The following PRDM5 variants were observed in gnomAD, a reference collection of about 807,000 sequenced individuals.
PRDM5 encodes the protein PR domain zinc finger protein 5.
A neutral mutation model predicts 81.2 loss-of-function variants in PRDM5; 56 were observed. The ratio of observed to expected loss-of-function variants is 0.69; its 90% confidence interval spans 0.56 to 0.86. The LOEUF is 0.86. PRDM5 is among the 40% of genes least tolerant of loss of function. The probability of loss-of-function intolerance (pLI) is 0.00; values close to 1 mark genes in which losing one functional copy is unlikely to be tolerated. For synonymous variants in PRDM5, 267 were observed against 256.4 expected (o/e 1.04, Z -0.39); for missense variants, 697 against 770.1 (o/e 0.91, Z 1.12).
At chr4:120,860,112 G>T (rs1366816116) in intron 2 of PRDM5, among the ~76,000 whole-genome samples, 2 of 152,162 alleles carry the variant, frequency 1.3e-5, no homozygotes, top group Non-Finnish European at 2.9e-5. Flanking sequence ...TACTGTCAAA[G>T]ACACAAAGAC....
chr4:120,910,323 G>A (rs1766366272), intron 1 of PRDM5, among the ~76,000 whole-genome samples: 2 of 152,150 alleles, frequency 1.3e-5, no homozygotes, highest in African/African-American at 4.8e-5. Flanking sequence ...TACTACTGTG[G>A]TGAGAAACAA....
chr4:120,727,838 A>G (rs1254436148), intron 14 of PRDM5, among the ~76,000 whole-genome samples: 1 of 151,756 alleles, frequency 6.6e-6, no homozygotes, highest in Non-Finnish European at 1.5e-5. Context: ...TAGGAGGCTG[A>G]GGCAGGGGAA....
At chr4:120,777,333 A>C (rs1748326154) in intron 12 of PRDM5, 52 bp from the exon 13 acceptor site, 1 of 1,611,546 alleles carries the variant, frequency 6.2e-7, no homozygotes, top group Non-Finnish European at 8.5e-7. Context: ...AATTAGGTAA[A>C]GATGATTAAA....
At chr4:120,772,628 C>G (rs993962517) in intron 13 of PRDM5, among the ~76,000 whole-genome samples, 27 of 152,314 alleles carry the variant, frequency 1.8e-4, no homozygotes, top group African/African-American at 5.5e-4. Context: ...CCCAGTTAAA[C>G]AGAATGGCCT....
rs148660139 is a variant in PRDM5 at position 120,900,304 on chromosome 4, C to A, written c.177+7170G>T. Among the ~76,000 whole-genome samples the A allele has an allele frequency of 5.0e-3, 768 of 152,184 alleles. 6 individuals are homozygous for A. The highest frequency in any genetic ancestry group is 0.018 in the African/African-American group (739 of 41,516). On this transcript the variant is annotated intron_variant, in intron 2 of 15. Coordinates refer to ENST00000264808, the MANE Select transcript of PRDM5 (RefSeq NM_018699.4). ...TGGTTGCTTCCCCTGGCAAACAGTC[C>A]CATCCTGGAGGCTATCTAGGGGACT...
chr4:120,809,152 C>A (rs983180514), intron 8 of PRDM5, among the ~76,000 whole-genome samples: 1 of 151,814 alleles, frequency 6.6e-6, no homozygotes, highest in African/African-American at 2.4e-5. Flanking sequence ...GACAAAAAGC[C>A]AAACACTGCA....
chr4:120,748,948 A>G (rs1743565819), intron 14 of PRDM5, among the ~76,000 whole-genome samples: 1 of 152,148 alleles, frequency 6.6e-6, no homozygotes, highest in Non-Finnish European at 1.5e-5. Flanking sequence ...CTAACTGGAC[A>G]TGGAATATAA....
chr4:120,843,831 C>CA (rs1758332898), intron 3 of PRDM5, among the ~76,000 whole-genome samples: 1 of 152,142 alleles, frequency 6.6e-6, no homozygotes, highest in Admixed American at 6.5e-5. Flanking sequence ...CACCAAGCCA[C>CA]TATATCTAAT....
At chr4:120,890,315 T>C (rs1391310962) in intron 2 of PRDM5, among the ~76,000 whole-genome samples, 1 of 152,168 alleles carries the variant, frequency 6.6e-6, no homozygotes. Context: ...GAGAACTCAC[T>C]ATCATAAGAA....
chr4:120,729,251 A>G (rs1195328201), intron 14 of PRDM5, among the ~76,000 whole-genome samples: 1 of 152,242 alleles, frequency 6.6e-6, no homozygotes, highest in African/African-American at 2.4e-5. Context: ...ATCAAAGAAT[A>G]ACAGCTTTTT....
intron 14 of PRDM5, among the ~76,000 whole-genome samples, chr4:120,749,783 C>T (rs1454833587): frequency 5.3e-5 from 8 of 152,190 alleles, no homozygotes; most frequent in African/African-American, 9.7e-5. Context: ...ACGTATCCTG[C>T]ACTGACACCA....
At chr4:120,835,388 G>A (rs540338063) in intron 3 of PRDM5, among the ~76,000 whole-genome samples, 1 of 152,178 alleles carries the variant, frequency 6.6e-6, no homozygotes, top group African/African-American at 2.4e-5. Context: ...CTATGCCTGT[G>A]TGCATGCATG....
At chr4:120,800,614 A>G (rs1461717742) in intron 8 of PRDM5, among the ~76,000 whole-genome samples, 3 of 152,202 alleles carry the variant, frequency 2.0e-5, no homozygotes, top group Non-Finnish European at 4.4e-5. Flanking sequence ...TGCAGGATGA[A>G]TAACTCTAAA....
intron 10 of PRDM5, among the ~76,000 whole-genome samples, chr4:120,789,359 A>G (rs1371606432): frequency 3.9e-5 from 6 of 152,180 alleles, no homozygotes; most frequent in Admixed American, 2.0e-4. Context: ...ATTCCATGAG[A>G]ATAAAATGAA....
At chr4:120,771,437 C>G (rs777535571) in intron 13 of PRDM5, among the ~76,000 whole-genome samples, 17 of 151,996 alleles carry the variant, frequency 1.1e-4, no homozygotes, top group Non-Finnish European at 2.1e-4. Context: ...ATTTTTTCAA[C>G]TGAGTTATCA....
Position 120,871,180 on chromosome 4 carries a change from G to A in PRDM5, c.178-17640C>T, listed in dbSNP as rs577519648. Reference sequence around the variant, plus strand: ...TTGATTAGAAACACACTTCTCTCTAGTTCCACATAATGTTTTGTTGTTGTT... The same window carrying A: ...TTGATTAGAAACACACTTCTCTCTAATTCCACATAATGTTTTGTTGTTGTT... On this transcript the variant is annotated intron_variant, in intron 2 of 15. Coordinates refer to ENST00000264808, the MANE Select transcript of PRDM5 (RefSeq NM_018699.4). Among the ~76,000 whole-genome samples, 15 of 152,280 alleles carry A rather than the reference G, an allele frequency of 9.9e-5. No individual in the cohort carries two copies. In the East Asian group the frequency reaches 2.7e-3, roughly 27 times the overall value.
intron 14 of PRDM5, among the ~76,000 whole-genome samples, chr4:120,743,270 C>G (rs1476951892): frequency 2.6e-5 from 4 of 151,594 alleles, no homozygotes; most frequent in African/African-American, 7.3e-5. Context: ...AAAAGAGCTC[C>G]TGAAGGAAGC....
At chr4:120,900,243 CA>C (rs1309374875) in intron 2 of PRDM5, among the ~76,000 whole-genome samples, 1 of 152,112 alleles carries the variant, frequency 6.6e-6, no homozygotes, top group Admixed American at 6.5e-5. Context: ...GAGGGGGACA[CA>C]GGGGGCTGAA....
At chr4:120,891,715 C>T (rs1186153903) in intron 2 of PRDM5, among the ~76,000 whole-genome samples, 2 of 152,112 alleles carry the variant, frequency 1.3e-5, no homozygotes, top group African/African-American at 4.8e-5. Context: ...CCGCAACCTC[C>T]GCCTTCTGGG....
Sources: gnomAD v4.1 joint callset for allele counts (sites outside exome capture counted in the v4.1 genomes callset) on GRCh38, gnomAD v4.1.1 for gene constraint, MANE v1.5 for transcripts, NCBI Gene and HGNC (gene_info 2026-07-23, HGNC 2026-07-21) for gene names.